Variants in PCDHA5 observed in about 807,000 individuals in gnomAD.
PCDHA5 encodes protocadherin alpha-5.
PCDHA5 carries 43 observed loss-of-function variants against 61.6 expected under a neutral mutation model. The observed-to-expected ratio is 0.70, with a 90% CI of 0.55 to 0.90. The LOEUF (loss-of-function observed/expected upper bound fraction) is 0.90. Among genes scored for constraint, PCDHA5 ranks in the 40% least tolerant of loss-of-function variants. The pLI is 0.00. For synonymous variants in PCDHA5, 627 were observed against 543.9 expected (o/e 1.15, Z -2.13); for missense variants, 1,298 against 1,222.7 (o/e 1.06, Z -0.92).
At chr5:140,846,064 C>T (rs2150218418) in intron 1 of PCDHA5, among the ~76,000 whole-genome samples, 1 of 149,696 alleles carries the variant, frequency 6.7e-6, no homozygotes, top group East Asian at 1.9e-4. Flanking sequence ...TGTGGGAAAA[C>T]AGTTTTTTGG....
At position 141,010,166 on chromosome 5, in the gene PCDHA5, A is replaced by T; in HGVS notation, c.*229A>T. 1 of 1,562,828 alleles carries T rather than the reference A, an allele frequency of 6.4e-7. No individual in the cohort carries two copies. On this transcript the variant is annotated 3_prime_UTR_variant, in exon 4 of 4. Coordinates refer to ENST00000529859, the MANE Select transcript of PCDHA5 (RefSeq NM_018908.3). ...TCTCTCCACTCTGGCTTGTTTTCAG[A>T]ACCTAAAAAGCAGACCCAAGTTTCC... is the stretch of plus-strand genomic sequence containing the variant.
intron 1 of PCDHA5, among the ~76,000 whole-genome samples, chr5:140,941,215 C>CTT (rs782548958): frequency 1.2e-4 from 13 of 104,510 alleles, no homozygotes; most frequent in African/African-American, 4.4e-4. Flanking sequence ...TTCTTTCTTC[C>CTT]TTTCTTTCTT....
At chr5:140,847,557 T>A (rs1457582246) in intron 1 of PCDHA5, 2 of 149,266 alleles carry the variant, frequency 1.3e-5, no homozygotes, top group Non-Finnish European at 3.0e-5. Context: ...AAAACAGAAA[T>A]TGCCCCGAGT....
chr5:140,883,147 T>C, intron 1 of PCDHA5: 2 of 1,614,064 alleles, frequency 1.2e-6, no homozygotes, highest in Non-Finnish European at 1.7e-6. Context: ...TATATGCATT[T>C]ACCATAAATC....
At chr5:140,862,433 G>T (rs781821294) in intron 1 of PCDHA5, 1 of 354,884 alleles carries the variant, frequency 2.8e-6, no homozygotes, top group Non-Finnish European at 5.6e-6. Flanking sequence ...GAAACTATTC[G>T]TTGGTACTCC....
chr5:141,009,923 A>T lies in PCDHA5; in HGVS notation c.2797A>T (p.Asn933Tyr), dbSNP rs1463725058. The change falls in exon 4 of 4, where the codon AAC becomes TAC. Residue 933 changes from asparagine (N) to tyrosine (Y), a missense_variant. By Grantham distance (143) the Asn-to-Tyr change is moderately radical. Coordinates refer to ENST00000529859, the MANE Select transcript of PCDHA5 (RefSeq NM_018908.3). ...KKEKGNSTTD[N>Y]SDQ ...AGAGAAAGGGAACAGCACGACTGAC[A>T]ACAGTGACCAGTGAGGTCCTCAAAT... 6.2e-7 allele frequency: 1 copy of T among 1,608,790 alleles called. No homozygotes were observed. The highest frequency in any genetic ancestry group is 8.5e-7 in the Non-Finnish European group (1 of 1,178,528).
In PCDHA5 at chr5:140,873,562, T is replaced by C. The variant is rs2054348263; in HGVS notation, c.2352+49435T>C. On this transcript the variant is annotated intron_variant, in intron 1 of 3. Coordinates refer to ENST00000529859, the MANE Select transcript of PCDHA5 (RefSeq NM_018908.3). ...AAAATTATAATTTCAATTTATTTTCTAGTTTGGTTGTTTAAGTATTAAGCT... is the reference window on the plus strand; with the variant it reads ...AAAATTATAATTTCAATTTATTTTCCAGTTTGGTTGTTTAAGTATTAAGCT... Among the ~76,000 whole-genome samples, 7 of 149,812 alleles carry C rather than the reference T, an allele frequency of 4.7e-5. No individual in the cohort carries two copies. In the South Asian group the frequency reaches 1.5e-3, roughly 31 times the overall value.
At chr5:140,985,044 T>G (rs183944640) in intron 3 of PCDHA5, among the ~76,000 whole-genome samples, 1 of 152,158 alleles carries the variant, frequency 6.6e-6, no homozygotes, top group Admixed American at 6.5e-5. Flanking sequence ...TTCAAGTGAT[T>G]CTCCTGCCTC....
intron 1 of PCDHA5, chr5:140,877,734 G>A (rs2057311538): frequency 1.9e-6 from 3 of 1,614,070 alleles, no homozygotes; most frequent in African/African-American, 2.7e-5. Flanking sequence ...CGCAGCAGAG[G>A]AGGCAGAGGG....
intron 3 of PCDHA5, among the ~76,000 whole-genome samples, chr5:141,005,884 T>G (rs1554260408): frequency 6.6e-6 from 1 of 151,862 alleles, no homozygotes; most frequent in Non-Finnish European, 1.5e-5. Flanking sequence ...GAGTTTGAGG[T>G]TACATCAAGC....
At chr5:140,943,349 T>C (rs1429038452) in intron 1 of PCDHA5, among the ~76,000 whole-genome samples, 1 of 147,572 alleles carries the variant, frequency 6.8e-6, no homozygotes, top group East Asian at 2.0e-4. Flanking sequence ...AGGATGAGAG[T>C]AGAGGAAAGG....
chr5:140,977,163 AATG>A (rs1554238313), intron 1 of PCDHA5, among the ~76,000 whole-genome samples: 2 of 152,198 alleles, frequency 1.3e-5, no homozygotes, highest in Non-Finnish European at 2.9e-5. Flanking sequence ...CTTTCAGCAA[AATG>A]AGTTTGATGA....
chr5:140,854,460 A>G (rs2043130450), intron 1 of PCDHA5: 1 of 150,030 alleles, frequency 6.7e-6, no homozygotes, highest in Non-Finnish European at 1.5e-5. Context: ...GAGGCATTCC[A>G]GAGGAGTAGA....
chr5:140,880,747 T>C (rs555658670), intron 1 of PCDHA5, among the ~76,000 whole-genome samples: 16 of 152,334 alleles, frequency 1.1e-4, no homozygotes, highest in African/African-American at 3.8e-4. Context: ...GGATTGTCAG[T>C]GTAACTGCGT....
chr5:140,836,376 G>A, intron 1 of PCDHA5: 3 of 1,613,760 alleles, frequency 1.9e-6, no homozygotes, highest in South Asian at 1.1e-5. Context: ...CACAGCCACC[G>A]TGCTGGTGTC....
chr5:140,883,568 T>C, intron 1 of PCDHA5: 3 of 1,614,110 alleles, frequency 1.9e-6, no homozygotes, highest in Non-Finnish European at 2.5e-6. Context: ...GGGCTCGCCT[T>C]CGCTGTGGGC....
At chr5:140,967,845 A>G in intron 1 of PCDHA5, 3 of 1,614,160 alleles carry the variant, frequency 1.9e-6, no homozygotes, top group Non-Finnish European at 2.5e-6. Flanking sequence ...GACGTGAATG[A>G]CAATGCCCCA....
intron 1 of PCDHA5, among the ~76,000 whole-genome samples, chr5:140,873,901 T>A (rs2153302941): frequency 6.6e-6 from 1 of 152,352 alleles, no homozygotes; most frequent in South Asian, 2.1e-4. Context: ...CCTCAGGTGA[T>A]CTGCCTGCCT....
At chr5:140,949,694 G>C (rs1447787366) in intron 1 of PCDHA5, among the ~76,000 whole-genome samples, 1 of 151,590 alleles carries the variant, frequency 6.6e-6, no homozygotes, top group Non-Finnish European at 1.5e-5. Context: ...CGTATTGTTG[G>C]ATCTTGCTGT....
Sources: gnomAD v4.1 joint callset for allele counts (sites outside exome capture counted in the v4.1 genomes callset) on GRCh38, gnomAD v4.1.1 for gene constraint, MANE v1.5 for transcripts, NCBI Gene and HGNC (gene_info 2026-07-23, HGNC 2026-07-21) for gene names.